The following GRHL2 variants were observed in gnomAD, a reference collection of about 807,000 sequenced individuals.
GRHL2 encodes the protein grainyhead-like protein 2 homolog.
In GRHL2, 21 loss-of-function variants were observed where a neutral mutation model predicts 83.8. That is an observed-to-expected ratio of 0.25 (90% confidence interval 0.18 to 0.36). The LOEUF is 0.36. GRHL2 is among the 10% of genes least tolerant of loss of function. The probability of loss-of-function intolerance (pLI) is 1.00; values close to 1 mark genes in which losing one functional copy is unlikely to be tolerated. For synonymous variants in GRHL2, 280 were observed against 278.9 expected (o/e 1.00, Z -0.04); for missense variants, 623 against 781.8 (o/e 0.80, Z 2.42).
At chr8:101,601,357 T>A (rs887701676) in intron 8 of GRHL2, among the ~76,000 whole-genome samples, 2 of 152,204 alleles carry the variant, frequency 1.3e-5, no homozygotes, top group Middle Eastern at 3.2e-3. Flanking sequence ...TAGGGACCTT[T>A]TATAGAAAAT....
At chr8:101,588,426 A>G (rs1383727472) in intron 7 of GRHL2, among the ~76,000 whole-genome samples, 1 of 152,256 alleles carries the variant, frequency 6.6e-6, no homozygotes, top group African/African-American at 2.4e-5. Context: ...GAGTCATTCA[A>G]GTAGCAGTTA....
intron 1 of GRHL2, among the ~76,000 whole-genome samples, chr8:101,539,518 T>C (rs558299555): frequency 6.6e-6 from 1 of 152,270 alleles, no homozygotes; most frequent in Non-Finnish European, 1.5e-5. Context: ...GCTACCTTCT[T>C]AGTTCTTTCT....
chr8:101,498,853 A>G (rs1316060055), intron 1 of GRHL2, among the ~76,000 whole-genome samples: 1 of 152,156 alleles, frequency 6.6e-6, no homozygotes, highest in African/African-American at 2.4e-5. Context: ...AGGTGGGCGG[A>G]TCACGAGGTC....
At chr8:101,654,060 C>T (rs1057422113) in intron 14 of GRHL2, among the ~76,000 whole-genome samples, 1 of 152,178 alleles carries the variant, frequency 6.6e-6, no homozygotes, top group African/African-American at 2.4e-5. Flanking sequence ...ATTTCATAAC[C>T]GCATCGCAGC....
chr8:101,508,783 A>C (rs910708420), intron 1 of GRHL2, among the ~76,000 whole-genome samples: 3 of 152,194 alleles, frequency 2.0e-5, no homozygotes, highest in Non-Finnish European at 2.9e-5. Context: ...TGATTTATAG[A>C]GTGCCTATAG....
At chr8:101,546,452 C>T (rs1335745055) in intron 2 of GRHL2, among the ~76,000 whole-genome samples, 1 of 150,970 alleles carries the variant, frequency 6.6e-6, no homozygotes, top group Non-Finnish European at 1.5e-5. Context: ...CTCTGTTGCC[C>T]AGGCTGGAGT....
intron 1 of GRHL2, among the ~76,000 whole-genome samples, chr8:101,530,379 G>A (rs1810899015): frequency 6.6e-6 from 1 of 152,178 alleles, no homozygotes; most frequent in Admixed American, 6.6e-5. Context: ...TACTGCTAGA[G>A]ATTCAACTGC....
At chr8:101,542,918 G>T (rs1811184659) in intron 1 of GRHL2, 1 of 449,460 alleles carries the variant, frequency 2.2e-6, no homozygotes. Context: ...AAGATGAGTG[G>T]GCTCAACACC....
intron 12 of GRHL2, among the ~76,000 whole-genome samples, chr8:101,640,605 C>T (rs1665194550): frequency 6.6e-6 from 1 of 152,214 alleles, no homozygotes; most frequent in South Asian, 2.1e-4. Flanking sequence ...TCTTCATCTA[C>T]ATCTGACCTC....
chr8:101,681,070 TA>T, the GRHL2 span, among the ~76,000 whole-genome samples: 1 of 139,722 alleles, frequency 7.2e-6, no homozygotes, highest in African/African-American at 2.8e-5. Context: ...AAGAAATAAC[TA>T]AAATCAGAGC....
chr8:101,671,794 G>A (rs994233496), downstream of GRHL2, among the ~76,000 whole-genome samples: 75 of 152,306 alleles, frequency 4.9e-4, 2 homozygotes, highest in African/African-American at 1.3e-3. Context: ...CCCTAGTAGG[G>A]GCAGACTGAC....
chr8:101,527,832 T>G (rs1382865238), intron 1 of GRHL2, among the ~76,000 whole-genome samples: 1 of 152,262 alleles, frequency 6.6e-6, no homozygotes, highest in African/African-American at 2.4e-5. Flanking sequence ...GTTTAGACTT[T>G]CATGTTCAAA....
chr8:101,526,427 T>G (rs145471486), intron 1 of GRHL2, among the ~76,000 whole-genome samples: 1 of 152,250 alleles, frequency 6.6e-6, no homozygotes, highest in South Asian at 2.1e-4. Flanking sequence ...TCATGATACA[T>G]TAGCAAAAAA....
In GRHL2 at chr8:101,551,197, G is replaced by T. The variant is rs140161855; in HGVS notation, c.217-1518G>T. Among the ~76,000 whole-genome samples the T allele has an allele frequency of 4.4e-3, 664 of 152,254 alleles. 5 individuals carry two copies. The highest frequency in any genetic ancestry group is 0.01 in the Middle Eastern group (3 of 294). ...TAGTATACACTCTGAAAGTTAACAT[G>T]AATGATTTATAATTGATTTATTTTA... On this transcript the variant is annotated intron_variant, in intron 2 of 15. Coordinates refer to ENST00000646743, the MANE Select transcript of GRHL2 (RefSeq NM_024915.4).
chr8:101,635,467 C>A (rs1280774316), intron 11 of GRHL2, among the ~76,000 whole-genome samples: 1 of 152,132 alleles, frequency 6.6e-6, no homozygotes, highest in East Asian at 1.9e-4. Context: ...AGTCACCAAC[C>A]AACTTTGTAG....
rs1056101552 is a variant in GRHL2, at chr8:101,555,336, C to T, written c.284+2554C>T. Among the ~76,000 whole-genome samples, 6 of 151,994 alleles carry T rather than the reference C, an allele frequency of 3.9e-5. No individual in the cohort carries two copies. The South Asian group carries it at 6.2e-4, about 16-fold the overall frequency. On this transcript the variant is annotated intron_variant, in intron 3 of 15. Transcript: ENST00000646743. ...CTTCACTCAAGGATCTGGGCTGACA[C>T]GAGTTCGGGAAATCCTGGGTTTTGA...
At chr8:101,636,207 T>C (rs1288926459) in intron 11 of GRHL2, among the ~76,000 whole-genome samples, 1 of 152,202 alleles carries the variant, frequency 6.6e-6, no homozygotes, top group Non-Finnish European at 1.5e-5. Flanking sequence ...ATAAGGATGC[T>C]TCATAATTTC....
chr8:101,554,894 T>C (rs1400349170), intron 3 of GRHL2, among the ~76,000 whole-genome samples: 25 of 152,222 alleles, frequency 1.6e-4, no homozygotes, highest in Non-Finnish European at 3.7e-4. Context: ...TGTGAAGTTC[T>C]CTGGTATTAG....
At chr8:101,592,655 G>A (rs1812311575) in intron 7 of GRHL2, among the ~76,000 whole-genome samples, 1 of 152,134 alleles carries the variant, frequency 6.6e-6, no homozygotes, top group Admixed American at 6.5e-5. Context: ...AAGCCCTCCA[G>A]GTGATTCTGG....
Sources: allele counts gnomAD v4.1 joint callset (sites outside exome capture counted in the v4.1 genomes callset), GRCh38; gene constraint gnomAD v4.1.1; transcripts MANE v1.5; gene names NCBI Gene and HGNC (gene_info 2026-07-23, HGNC 2026-07-21).